Variants in NRG3 observed in about 807,000 individuals in gnomAD.
NRG3 encodes neuregulin 3.
Under a neutral mutation model 66.9 loss-of-function variants are expected in NRG3, and 31 were observed. The observed-to-expected ratio is 0.46, with a 90% CI of 0.35 to 0.63. The LOEUF (loss-of-function observed/expected upper bound fraction) is 0.63. Among genes scored for constraint, NRG3 ranks in the 20% least tolerant of loss-of-function variants. The pLI is 0.00. For synonymous variants in NRG3, 393 were observed against 359.4 expected (o/e 1.09, Z -1.06); for missense variants, 910 against 878.9 (o/e 1.04, Z -0.45).
At chr10:82,934,134 C>T (rs1266950936) in intron 4 of NRG3, among the ~76,000 whole-genome samples, 2 of 152,180 alleles carry the variant, frequency 1.3e-5, no homozygotes, top group Non-Finnish European at 2.9e-5. Context: ...AAAAGATAGA[C>T]TTAATGCAGC....
rs1371480132 is a variant in NRG3, at chr10:82,581,677, T to G, written c.954-156900T>G. The stretch of plus-strand genomic sequence containing the variant: ...GGTGATGGTTGCTCAATGTTATTAT[T>G]GTATTTAATGCAATAGTACAACATT... On this transcript the variant is annotated intron_variant, in intron 2 of 8. Coordinates refer to ENST00000372141, the MANE Select transcript of NRG3 (RefSeq NM_001010848.4). 2.6e-5 allele frequency among the ~76,000 whole-genome samples: 4 copies of G among 152,134 alleles called. No homozygotes were observed. In the East Asian group the frequency reaches 7.7e-4, roughly 29 times the overall value.
intron 1 of NRG3, among the ~76,000 whole-genome samples, chr10:82,216,460 A>ATATATG (rs1554851844): frequency 0.013 from 1,939 of 146,378 alleles, 45 homozygotes; most frequent in African/African-American, 0.046. Flanking sequence ...TTTTATATAT[A>ATATATG]TGTGTGTGTG....
At chr10:82,515,750 T>C (rs1845587768) in intron 2 of NRG3, among the ~76,000 whole-genome samples, 1 of 152,190 alleles carries the variant, frequency 6.6e-6, no homozygotes, top group South Asian at 2.1e-4. Flanking sequence ...CACTTCCAGG[T>C]CACTACCACC....
chr10:82,021,966 T>C (rs1489405636), intron 1 of NRG3, among the ~76,000 whole-genome samples: 1 of 152,014 alleles, frequency 6.6e-6, no homozygotes, highest in African/African-American at 2.4e-5. Flanking sequence ...ACTTAGAAAT[T>C]TGGATGATTT....
intron 1 of NRG3, among the ~76,000 whole-genome samples, chr10:82,086,735 A>T (rs2065750115): frequency 6.6e-6 from 1 of 152,154 alleles, no homozygotes; most frequent in African/African-American, 2.4e-5. Flanking sequence ...AGATCCTGCC[A>T]TCATTTTATG....
At chr10:82,660,502 C>G (rs1253529954) in intron 2 of NRG3, among the ~76,000 whole-genome samples, 1 of 152,068 alleles carries the variant, frequency 6.6e-6, no homozygotes, top group Non-Finnish European at 1.5e-5. Flanking sequence ...ATTAAAATTG[C>G]TTTTGCAAGT....
At chr10:82,037,756 A>G (rs1259796173) in intron 1 of NRG3, among the ~76,000 whole-genome samples, 1 of 152,080 alleles carries the variant, frequency 6.6e-6, no homozygotes, top group Non-Finnish European at 1.5e-5. Flanking sequence ...TACAATATTC[A>G]TGGCATCTGC....
chr10:82,326,985 A>T (rs997492923), intron 1 of NRG3, among the ~76,000 whole-genome samples: 4 of 152,194 alleles, frequency 2.6e-5, no homozygotes, highest in Non-Finnish European at 5.9e-5. Context: ...TTAATTAGTA[A>T]AGGCTAGTAT....
chr10:82,827,048 T>C (rs1030967608), intron 3 of NRG3: 32 of 272,168 alleles, frequency 1.2e-4, no homozygotes, highest in East Asian at 1.1e-3. Flanking sequence ...TTCCCATAGA[T>C]ATGCCTGAGT....
chr10:82,469,336 G>A (rs1841003886), intron 2 of NRG3, among the ~76,000 whole-genome samples: 1 of 152,096 alleles, frequency 6.6e-6, no homozygotes, highest in Non-Finnish European at 1.5e-5. Context: ...CAGACACAAA[G>A]AGCTCCTGGT....
At chr10:82,138,702 A>C (rs2069544323) in intron 1 of NRG3, among the ~76,000 whole-genome samples, 1 of 152,160 alleles carries the variant, frequency 6.6e-6, no homozygotes, top group African/African-American at 2.4e-5. Context: ...GGAAGCCTAC[A>C]GTGCAGTCTT....
At chr10:82,271,079 G>T (rs1045847383) in intron 1 of NRG3, among the ~76,000 whole-genome samples, 2 of 152,006 alleles carry the variant, frequency 1.3e-5, no homozygotes, top group African/African-American at 4.8e-5. Context: ...TTTGGAACAG[G>T]GAAAATATAT....
chr10:82,828,882 G>A (rs1245622251), intron 3 of NRG3, among the ~76,000 whole-genome samples: 2 of 152,312 alleles, frequency 1.3e-5, no homozygotes, highest in African/African-American at 4.8e-5. Flanking sequence ...CTGAACATCT[G>A]ATGGGAAGTA....
intron 2 of NRG3, among the ~76,000 whole-genome samples, chr10:82,683,694 A>G (rs1390904571): frequency 6.6e-6 from 1 of 152,210 alleles, no homozygotes; most frequent in Non-Finnish European, 1.5e-5. Context: ...ACACTACATT[A>G]GTTTAAGTTT....
intron 1 of NRG3, among the ~76,000 whole-genome samples, chr10:81,944,859 T>G (rs576178467): frequency 6.6e-6 from 1 of 152,272 alleles, no homozygotes; most frequent in Admixed American, 6.5e-5. Context: ...ACAAGTACTG[T>G]GATATAAAGG....
intron 2 of NRG3, among the ~76,000 whole-genome samples, chr10:82,642,558 T>C (rs1283267400): frequency 3.3e-5 from 5 of 151,474 alleles, no homozygotes; most frequent in Admixed American, 1.3e-4. Flanking sequence ...ATATATGAGA[T>C]GATACCATGG....
At chr10:82,946,997 A>G (rs1849092528) in intron 4 of NRG3, among the ~76,000 whole-genome samples, 2 of 152,130 alleles carry the variant, frequency 1.3e-5, no homozygotes, top group Admixed American at 1.3e-4. Context: ...ATAATGTATC[A>G]CTAGATACAT....
chr10:82,741,910 A>G (rs1017455690), intron 3 of NRG3, among the ~76,000 whole-genome samples: 1 of 152,182 alleles, frequency 6.6e-6, no homozygotes. Context: ...TTCATATCTT[A>G]ATGCAGCAAC....
intron 2 of NRG3, among the ~76,000 whole-genome samples, chr10:82,703,552 A>G (rs755617216): frequency 2.6e-5 from 4 of 152,090 alleles, no homozygotes; most frequent in Admixed American, 6.6e-5. Flanking sequence ...AGGGGCTCTG[A>G]GCAATAATGA....
Sources: allele counts gnomAD v4.1 joint callset (sites outside exome capture counted in the v4.1 genomes callset), GRCh38; gene constraint gnomAD v4.1.1; transcripts MANE v1.5; gene names NCBI Gene and HGNC (gene_info 2026-07-23, HGNC 2026-07-21).